The following SNX8 variants were observed in gnomAD, a reference collection of about 807,000 sequenced individuals.
The protein encoded by SNX8 is sorting nexin-8.
Under a neutral mutation model 51.6 loss-of-function variants are expected in SNX8, and 25 were observed. That is an observed-to-expected ratio of 0.48 (90% CI 0.35 to 0.68). The LOEUF (loss-of-function observed/expected upper bound fraction) is 0.68, where lower values mean the gene tolerates loss of function less well. SNX8 is among the 30% of genes least tolerant of loss of function. The pLI is 0.00. For missense variants in SNX8, 695 were observed against 624.0 expected, an observed-to-expected ratio of 1.11 and a Z score of -1.21; for synonymous variants, 324 against 277.0, an observed-to-expected ratio of 1.17 and a Z score of -1.68.
chr7:2,308,079 G>A (rs1281423866), intron 1 of SNX8: 1 of 152,130 alleles, frequency 6.6e-6, no homozygotes, highest in Non-Finnish European at 1.5e-5. Flanking sequence ...GAGACAGAGA[G>A]AGAGAGAGGA....
chr7:2,329,646 C>A (rs1262303453), intron 1 of SNX8, among the ~76,000 whole-genome samples: 1 of 152,146 alleles, frequency 6.6e-6, no homozygotes, highest in Non-Finnish European at 1.5e-5. Flanking sequence ...GCCCTATTCC[C>A]TGGGGGAAGG....
At chr7:2,351,143 C>G (rs564459730) in intron 1 of SNX8, among the ~76,000 whole-genome samples, 11 of 151,760 alleles carry the variant, frequency 7.2e-5, no homozygotes, top group African/African-American at 2.7e-4. Flanking sequence ...AAAATCTACC[C>G]CTGGAAGCAC....
At chr7:2,341,264 T>C (rs957047051) in intron 1 of SNX8, among the ~76,000 whole-genome samples, 3 of 151,738 alleles carry the variant, frequency 2.0e-5, no homozygotes, top group Non-Finnish European at 4.4e-5. Context: ...CACATGAGGC[T>C]GAGGCAGGAG....
chr7:2,265,782 A>G (rs1032797103), intron 5 of SNX8, among the ~76,000 whole-genome samples: 1 of 152,226 alleles, frequency 6.6e-6, no homozygotes, highest in Non-Finnish European at 1.5e-5. Flanking sequence ...TAACTATCAG[A>G]GTTCAGAAAA....
intron 1 of SNX8, chr7:2,309,807 G>A (rs1330910733): frequency 4.2e-6 from 2 of 470,996 alleles, no homozygotes; most frequent in Non-Finnish European, 8.8e-6. Context: ...GAACAGACCT[G>A]ACATGAGCGA....
At chr7:2,303,315 C>G (rs577069088) in intron 1 of SNX8, among the ~76,000 whole-genome samples, 1 of 151,012 alleles carries the variant, frequency 6.6e-6, no homozygotes, top group African/African-American at 2.4e-5. Flanking sequence ...CCAGCCGCCC[C>G]GTCCGGGAGG....
At chr7:2,332,886 G>GA (rs1302563553) in intron 1 of SNX8, among the ~76,000 whole-genome samples, 1 of 150,674 alleles carries the variant, frequency 6.6e-6, no homozygotes, top group Non-Finnish European at 1.5e-5. Flanking sequence ...GAGAAAGAAA[G>GA]AAAGAAAAGA....
intron 1 of SNX8, among the ~76,000 whole-genome samples, chr7:2,283,852 G>A (rs1007878017): frequency 1.3e-5 from 2 of 152,204 alleles, no homozygotes; most frequent in Non-Finnish European, 2.9e-5. Flanking sequence ...CTAGAGTGCA[G>A]TGGCACAATC....
chr7:2,304,123 T>TCAC (rs1796485901), intron 1 of SNX8, among the ~76,000 whole-genome samples: 1 of 136,446 alleles, frequency 7.3e-6, no homozygotes, highest in Non-Finnish European at 1.6e-5. Flanking sequence ...GCCGAGACTG[T>TCAC]GCCACTGCAC....
chr7:2,314,733 G>A (rs1584734421), upstream of SNX8, among the ~76,000 whole-genome samples: 1 of 152,172 alleles, frequency 6.6e-6, no homozygotes, highest in African/African-American at 2.4e-5. Flanking sequence ...TGCACCCACC[G>A]CACCCTCATT....
At chr7:2,270,602 C>T (rs1211098674) in intron 4 of SNX8, among the ~76,000 whole-genome samples, 1 of 152,172 alleles carries the variant, frequency 6.6e-6, no homozygotes, top group Non-Finnish European at 1.5e-5. Context: ...CACCGCCCCT[C>T]CCAGGTCCTG....
At chr7:2,273,959 T>C (rs959637768) in intron 3 of SNX8, among the ~76,000 whole-genome samples, 3 of 151,394 alleles carry the variant, frequency 2.0e-5, no homozygotes, top group African/African-American at 7.3e-5. Context: ...GGTAGGTGGC[T>C]GGGGCTCCCT....
rs1795745428 is a variant in SNX8, at chr7:2,275,115, C to G, written c.415G>C (p.Gly139Arg). The G allele has an allele frequency of 6.2e-7, 1 of 1,610,242 alleles. No homozygotes were observed. Among genetic ancestry groups the G allele is most frequent in the Non-Finnish European group, 8.5e-7 (1 of 1,176,482 alleles). ...TGGGCAGCACGCCTGGCTTTACCTC[C>G]CAGCATTCTCTTGGGTGGCAGGGCA... is the stretch of plus-strand genomic sequence containing the variant. ...VPALPPKRML[G>R]ADREFIEARR... The change falls in exon 3 of 11, where the codon GGA becomes CGA. Residue 139 changes from glycine to arginine, a missense_variant. Physicochemically the swap from Gly to Arg is moderately radical, Grantham distance 125 (BLOSUM62 -2). Transcript: ENST00000222990.
intron 1 of SNX8, among the ~76,000 whole-genome samples, chr7:2,351,830 CA>C (rs1210326019): frequency 2.1e-5 from 3 of 144,716 alleles, no homozygotes; most frequent in African/African-American, 2.6e-5. Context: ...GACTCCATCT[CA>C]AAAAATAAAT....
intron 7 of SNX8, 138 bp downstream of exon 7, chr7:2,263,092 C>T (rs1795375585): frequency 9.3e-7 from 1 of 1,072,806 alleles, no homozygotes. Context: ...GCGCTCCAGC[C>T]TGGCAACAGA....
rs57983721 is a variant in SNX8, at chr7:2,270,314, CAAAAAAAAAAA to C, written c.541-686_541-676del. Among the ~76,000 whole-genome samples, 325 of 57,094 alleles carry C rather than the reference CAAAAAAAAAAA, an allele frequency of 5.7e-3. 8 individuals carry two copies. Among genetic ancestry groups the C allele is most frequent in the African/African-American group, 0.023 (302 of 12,854 alleles). The allele number at this position is 57,094 out of a possible 152,430, so 37.5% of individuals were successfully genotyped here. The stretch of plus-strand genomic sequence containing the variant: ...ATCATCTGACTCAACTCTCATTTTA[CAAAAAAAAAAA>C]AAAAAAAAAAAAAAAAGACCTGAGG... On this transcript the variant is annotated intron_variant, in intron 4 of 10. Transcript: ENST00000222990.
intron 1 of SNX8, among the ~76,000 whole-genome samples, chr7:2,353,565 A>G (rs1479675248): frequency 6.6e-6 from 1 of 151,904 alleles, no homozygotes; most frequent in Non-Finnish European, 1.5e-5. Flanking sequence ...GAGAGGTGTG[A>G]GCCACCGCGC....
chr7:2,327,724 A>G (rs1396366088), intron 1 of SNX8, among the ~76,000 whole-genome samples: 1 of 150,190 alleles, frequency 6.7e-6, no homozygotes, highest in Non-Finnish European at 1.5e-5. Flanking sequence ...TTGTATTTTA[A>G]GTAGAGACGG....
Position 2,252,647 on chromosome 7 carries a change from G to A in SNX8, c.*2409C>T. ...AGCCCCCCCTTCACCCTGCCCTCCTGACCCTCCCACCCCTGCCTTCCTGCC... is the reference window on the plus strand; with the variant it reads ...AGCCCCCCCTTCACCCTGCCCTCCTAACCCTCCCACCCCTGCCTTCCTGCC... On this transcript the variant is annotated 3_prime_UTR_variant, in exon 11 of 11. Transcript: ENST00000222990. 1.5e-5 allele frequency: 1 copy of A among 64,722 alleles called. No homozygotes were observed. The highest frequency in any genetic ancestry group is 3.0e-5 in the Non-Finnish European group (1 of 33,250). 4.0% of individuals were successfully genotyped at this position (64,722 alleles called of 1,614,324 possible).
Sources: gnomAD v4.1 joint callset for allele counts (sites outside exome capture counted in the v4.1 genomes callset) on GRCh38, gnomAD v4.1.1 for gene constraint, MANE v1.5 for transcripts, NCBI Gene and HGNC (gene_info 2026-07-23, HGNC 2026-07-21) for gene names.